OTUD7A: variants seen among roughly 807,000 people sequenced by gnomAD.
The protein encoded by OTUD7A is OTU domain-containing protein 7A.
In OTUD7A, 12 loss-of-function variants were observed where a neutral mutation model predicts 65.7. That is an observed-to-expected ratio of 0.18 (90% CI 0.12 to 0.30). The LOEUF (loss-of-function observed/expected upper bound fraction) is 0.30, where lower values mean the gene tolerates loss of function less well. OTUD7A is among the 10% of genes least tolerant of loss of function. The pLI is 1.00. For synonymous variants in OTUD7A, 641 were observed against 586.3 expected (o/e 1.09, Z -1.35); for missense variants, 1,148 against 1,304.8 (o/e 0.88, Z 1.85).
intron 1 of OTUD7A, among the ~76,000 whole-genome samples, chr15:31,753,675 A>C (rs1271562913): frequency 8.0e-6 from 1 of 124,248 alleles, no homozygotes; most frequent in Admixed American, 8.8e-5. Context: ...ATATATATAT[A>C]TAACCTGTGA....
At chr15:31,862,486 T>C (rs924494486) in intron 1 of OTUD7A, among the ~76,000 whole-genome samples, 3 of 152,220 alleles carry the variant, frequency 2.0e-5, no homozygotes, top group African/African-American at 4.8e-5. Flanking sequence ...TCCACATGGC[T>C]GGTGAGGCCT....
intron 3 of OTUD7A, among the ~76,000 whole-genome samples, chr15:31,622,770 A>T (rs2141238761): frequency 6.6e-6 from 1 of 152,296 alleles, no homozygotes; most frequent in East Asian, 1.9e-4. Context: ...AACTCGTCAA[A>T]GTCATTCTCC....
chr15:31,633,009 A>C (rs1891226360), intron 3 of OTUD7A, among the ~76,000 whole-genome samples: 1 of 151,734 alleles, frequency 6.6e-6, no homozygotes, highest in Middle Eastern at 3.2e-3. Flanking sequence ...CCGATTTTCC[A>C]GGTGCCGTCT....
chr15:31,821,414 G>C (rs548080483), intron 1 of OTUD7A, among the ~76,000 whole-genome samples: 8 of 150,434 alleles, frequency 5.3e-5, no homozygotes, highest in Admixed American at 1.3e-4. Context: ...AAAGTGCTGA[G>C]ATTACAGGCG....
At chr15:31,724,873 T>G (rs1893840829) in intron 1 of OTUD7A, among the ~76,000 whole-genome samples, 2 of 151,936 alleles carry the variant, frequency 1.3e-5, no homozygotes, top group African/African-American at 2.4e-5. Flanking sequence ...CCAGCTACAA[T>G]TAAGTCAAGA....
intron 1 of OTUD7A, among the ~76,000 whole-genome samples, chr15:31,665,908 G>C: frequency 6.6e-6 from 1 of 152,170 alleles, no homozygotes; most frequent in East Asian, 1.9e-4. Flanking sequence ...CATCTATCGA[G>C]ACGATCACGT....
At chr15:31,764,883 T>C (rs1349826387) in intron 1 of OTUD7A, among the ~76,000 whole-genome samples, 1 of 152,216 alleles carries the variant, frequency 6.6e-6, no homozygotes. Flanking sequence ...TTTAGCTGAA[T>C]GATTCTATAT....
At chr15:31,801,213 G>A (rs375812344) in intron 1 of OTUD7A, among the ~76,000 whole-genome samples, 3 of 152,202 alleles carry the variant, frequency 2.0e-5, no homozygotes, top group Non-Finnish European at 4.4e-5. Flanking sequence ...CAGGGCCAGC[G>A]GGCATTGCTG....
At chr15:31,614,689 G>T (rs1304120974) in intron 3 of OTUD7A, among the ~76,000 whole-genome samples, 4 of 152,116 alleles carry the variant, frequency 2.6e-5, no homozygotes, top group Non-Finnish European at 4.4e-5. Flanking sequence ...ATACTAAAAG[G>T]TGTTCTTTAG....
intron 8 of OTUD7A, among the ~76,000 whole-genome samples, chr15:31,510,291 G>A (rs919573066): frequency 1.1e-4 from 16 of 151,546 alleles, no homozygotes; most frequent in African/African-American, 3.9e-4. Context: ...GACAGTCCCC[G>A]CTCTCTTTTT....
chr15:31,528,553 G>T lies in OTUD7A; in HGVS notation c.653-1245C>A, dbSNP rs190449443. ...CTGCCACAGGCTTCTAGCCAGCAAG[G>T]CTTCGCCTTTTTCTATAGGATGGCA... is the stretch of plus-strand genomic sequence containing the variant. On this transcript the variant is annotated intron_variant, in intron 6 of 12. Coordinates refer to ENST00000307050, the MANE Select transcript of OTUD7A (RefSeq NM_001382637.1). 1.2e-4 allele frequency among the ~76,000 whole-genome samples: 18 copies of T among 152,366 alleles called. No individual in the cohort carries two copies. The East Asian group carries it at 3.3e-3, about 28-fold the overall frequency.
intron 3 of OTUD7A, among the ~76,000 whole-genome samples, chr15:31,632,765 G>A (rs1290497450): frequency 1.3e-5 from 2 of 149,756 alleles, no homozygotes; most frequent in Non-Finnish European, 3.0e-5. Flanking sequence ...GCTGTGGTGG[G>A]CTCCACCCAG....
At chr15:31,764,376 A>G (rs1895047602) in intron 1 of OTUD7A, among the ~76,000 whole-genome samples, 1 of 152,184 alleles carries the variant, frequency 6.6e-6, no homozygotes, top group African/African-American at 2.4e-5. Flanking sequence ...GAATAGTATG[A>G]AATTACATTG....
chr15:31,860,833 G>A (rs903562190), intron 1 of OTUD7A, among the ~76,000 whole-genome samples: 1 of 147,154 alleles, frequency 6.8e-6, no homozygotes, highest in Admixed American at 6.8e-5. Context: ...AGCCTTCCAA[G>A]TAGCTGGGAC....
At chr15:31,778,125 A>G (rs2140922344) in intron 1 of OTUD7A, among the ~76,000 whole-genome samples, 1 of 152,300 alleles carries the variant, frequency 6.6e-6, no homozygotes, top group Middle Eastern at 3.4e-3. Flanking sequence ...ATGTGCAGAG[A>G]GTAATTCTAA....
chr15:31,592,904 A>AAAAAAAATATATATAT (rs1416029921), intron 3 of OTUD7A, among the ~76,000 whole-genome samples: 3 of 59,388 alleles, frequency 5.1e-5, no homozygotes, highest in African/African-American at 1.6e-4. Context: ...AAAAAAAAAA[A>AAAAAAAATATATATAT]ATATATATAT....
At chr15:31,792,961 ATCC>A (rs1221927314) in intron 1 of OTUD7A, among the ~76,000 whole-genome samples, 3 of 152,084 alleles carry the variant, frequency 2.0e-5, no homozygotes, top group Non-Finnish European at 4.4e-5. Context: ...GCAGATGCTC[ATCC>A]TCCTCACCGC....
intron 1 of OTUD7A, among the ~76,000 whole-genome samples, chr15:31,777,252 C>A (rs529984181): frequency 6.6e-6 from 1 of 152,276 alleles, no homozygotes; most frequent in African/African-American, 2.4e-5. Flanking sequence ...TACAAGGGCG[C>A]TAATCTCATT....
chr15:31,748,684 C>T (rs7168861), intron 1 of OTUD7A, among the ~76,000 whole-genome samples: 6,360 of 152,024 alleles, frequency 0.042, 252 homozygotes, highest in African/African-American at 0.1. Flanking sequence ...CAAAGCTAAA[C>T]GTACAAATAC....
Sources: allele counts gnomAD v4.1 joint callset (sites outside exome capture counted in the v4.1 genomes callset), GRCh38; gene constraint gnomAD v4.1.1; transcripts MANE v1.5; gene names NCBI Gene and HGNC (gene_info 2026-07-23, HGNC 2026-07-21).